Variants in VPS50 observed in about 807,000 individuals in gnomAD.
VPS50 encodes the protein VPS50 subunit of EARP/GARPII complex, also known as syndetin.
Under a neutral mutation model 139.7 loss-of-function variants are expected in VPS50, and 70 were observed. The observed-to-expected ratio is 0.50, with a 90% CI of 0.41 to 0.61. The LOEUF is 0.61. Among genes scored for constraint, VPS50 ranks in the 20% least tolerant of loss-of-function variants. The pLI is 0.00. For synonymous variants in VPS50, 365 were observed against 376.7 expected (o/e 0.97, Z 0.36); for missense variants, 921 against 1,133.7 (o/e 0.81, Z 2.69).
intron 21 of VPS50, among the ~76,000 whole-genome samples, chr7:93,333,219 A>C (rs764534967): frequency 6.6e-6 from 1 of 152,040 alleles, no homozygotes; most frequent in Non-Finnish European, 1.5e-5. Flanking sequence ...GTGTTATGGC[A>C]CAACTATTTT....
intron 2 of VPS50, among the ~76,000 whole-genome samples, chr7:93,245,246 T>C (rs1795114327): frequency 6.6e-6 from 1 of 151,716 alleles, no homozygotes; most frequent in African/African-American, 2.4e-5. Context: ...GGATACTGAT[T>C]AAGAAGAAAA....
intron 20 of VPS50, among the ~76,000 whole-genome samples, chr7:93,319,694 AT>A (rs1562885172): frequency 6.6e-6 from 1 of 152,044 alleles, no homozygotes; most frequent in Non-Finnish European, 1.5e-5. Context: ...GACTCTTTTG[AT>A]CTGAAGGCTC....
At chr7:93,343,270 G>A (rs1224464620) in intron 23 of VPS50, among the ~76,000 whole-genome samples, 1 of 152,028 alleles carries the variant, frequency 6.6e-6, no homozygotes, top group South Asian at 2.1e-4. Context: ...AAGCGAGAAG[G>A]GAAGTTTAGA....
chr7:93,249,838 T>C (rs1410911307), intron 2 of VPS50, among the ~76,000 whole-genome samples: 2 of 152,168 alleles, frequency 1.3e-5, no homozygotes, highest in Non-Finnish European at 2.9e-5. Flanking sequence ...TCATTTCATA[T>C]TTCAATTGGA....
chr7:93,309,470 A>G (rs1350328441), intron 19 of VPS50, among the ~76,000 whole-genome samples: 1 of 151,958 alleles, frequency 6.6e-6, no homozygotes, highest in East Asian at 1.9e-4. Flanking sequence ...TTGCAGAGGA[A>G]AAAGCCTTTA....
chr7:93,262,579 C>T (rs531524306), intron 9 of VPS50, among the ~76,000 whole-genome samples: 61 of 152,310 alleles, frequency 4.0e-4, no homozygotes, highest in African/African-American at 1.4e-3. Context: ...AAAAGTACAT[C>T]ACACATACAT....
chr7:93,335,598 T>C (rs1344424620), intron 22 of VPS50, among the ~76,000 whole-genome samples: 1 of 152,126 alleles, frequency 6.6e-6, no homozygotes, highest in East Asian at 1.9e-4. Context: ...TTCTTTTTTG[T>C]TTTTAGTCTT....
At position 93,271,048 on chromosome 7, in the gene VPS50, CT is replaced by C. The variant is rs1164676986; in HGVS notation, c.660-170del. On this transcript the variant is annotated intron_variant, in intron 9 of 27. Transcript: ENST00000305866. ...TGCTGCTGCTAATGACTCTTATTCCCTTCTAATACTTTTTCTTATTGCATTG... is the reference window on the plus strand; with the variant it reads ...TGCTGCTGCTAATGACTCTTATTCCCTCTAATACTTTTTCTTATTGCATTG... 3 of 1,039,880 alleles carry C rather than the reference CT, an allele frequency of 2.9e-6. No individual in the cohort carries two copies. In the African/African-American group the frequency reaches 5.1e-5, roughly 18 times the overall value. 64.4% of individuals were successfully genotyped at this position (1,039,880 alleles called of 1,614,324 possible). A position where few individuals can be genotyped will look rare whatever the true frequency, so the allele number is the denominator to read the frequency against.
rs1193761202 is a variant in VPS50, at chr7:93,348,790, C to T, written c.2287C>T (p.Gln763Ter). 6.2e-7 allele frequency: 1 copy of T among 1,610,766 alleles called. No individual in the cohort carries two copies. The highest frequency in any genetic ancestry group is 8.5e-7 in the Non-Finnish European group (1 of 1,177,064). Residue 763 changes from glutamine to a stop codon, truncating the protein, a stop_gained, in exon 24 of 28, where the codon CAG (glutamine) becomes TAG (stop). Transcript: ENST00000305866. LOFTEE classifies it high-confidence loss of function. ...GCCTGCAGTCAAAAAGCCCTTTCTT[C>T]AGCAGTTCTATTCTCAGGTCAGACA... The part of the protein sequence containing the change: ...VMPAVKKPFL[Q>*]QFYSQTVSTA...
chr7:93,341,715 C>G (rs1798216334), intron 23 of VPS50, 140 bp downstream of exon 23: 2 of 525,040 alleles, frequency 3.8e-6, no homozygotes, highest in Non-Finnish European at 6.6e-6. Flanking sequence ...GAAGTATATT[C>G]TAACACAGAT....
chr7:93,343,203 C>T (rs1292826227), intron 23 of VPS50, among the ~76,000 whole-genome samples: 9 of 151,908 alleles, frequency 5.9e-5, no homozygotes, highest in Admixed American at 1.3e-4. Context: ...CCTCAGGAGC[C>T]GATGCGATCA....
In VPS50 at chr7:93,335,628, G is replaced by A. The variant is rs369597694; in HGVS notation, c.2058+1431G>A. Among the ~76,000 whole-genome samples, 27 of 151,310 alleles carry A rather than the reference G, an allele frequency of 1.8e-4. No homozygotes were observed. The East Asian group carries it at 4.5e-3, about 25-fold the overall frequency. ...AGTCTTTGTTTTGTAAAATCCATTG[G>A]TCTCAGCCCCACTTGCAGTTTTCTG... On this transcript the variant is annotated intron_variant, in intron 22 of 27. Coordinates refer to ENST00000305866, the MANE Select transcript of VPS50 (RefSeq NM_017667.4).
intron 2 of VPS50, among the ~76,000 whole-genome samples, chr7:93,249,822 T>C (rs1248108640): frequency 6.6e-6 from 1 of 152,122 alleles, no homozygotes; most frequent in Non-Finnish European, 1.5e-5. Flanking sequence ...ATTTCATTTC[T>C]GACTTTCATT....
intron 18 of VPS50, among the ~76,000 whole-genome samples, chr7:93,307,458 G>C (rs1054827719): frequency 2.6e-5 from 4 of 151,924 alleles, no homozygotes; most frequent in Admixed American, 1.3e-4. Context: ...TATAGTATGA[G>C]AGCCTAAGCA....
intron 2 of VPS50, chr7:93,246,273 T>C (rs1245274476): frequency 2.3e-5 from 15 of 646,554 alleles, no homozygotes; most frequent in Non-Finnish European, 3.6e-5. Flanking sequence ...TTCTCCACTT[T>C]CCTTCTCAAC....
At chr7:93,233,826 G>A (rs1208520136) in intron 1 of VPS50, among the ~76,000 whole-genome samples, 2 of 152,176 alleles carry the variant, frequency 1.3e-5, no homozygotes, top group Non-Finnish European at 2.9e-5. Context: ...TAGGAATAAT[G>A]TGTGCCTTAT....
At chr7:93,335,917 T>G (rs1798058208) in intron 22 of VPS50, among the ~76,000 whole-genome samples, 1 of 152,250 alleles carries the variant, frequency 6.6e-6, no homozygotes, top group Admixed American at 6.5e-5. Context: ...TACCACATAG[T>G]GTATAATGAA....
At chr7:93,257,643 C>CT (rs1795527303) in intron 6 of VPS50, 179 bp downstream of exon 6, 2 of 455,534 alleles carry the variant, frequency 4.4e-6, no homozygotes, top group South Asian at 8.8e-5. Flanking sequence ...GGAAATATCT[C>CT]TAAGTGTACT....
At chr7:93,307,930 ATGT>A (rs1797161306) in intron 18 of VPS50, among the ~76,000 whole-genome samples, 1 of 151,874 alleles carries the variant, frequency 6.6e-6, no homozygotes, top group Admixed American at 6.6e-5. Flanking sequence ...AATTCTTTCC[ATGT>A]TGTTATCATA....
Sources: allele counts gnomAD v4.1 joint callset (sites outside exome capture counted in the v4.1 genomes callset), GRCh38; gene constraint gnomAD v4.1.1; transcripts MANE v1.5; gene names NCBI Gene and HGNC (gene_info 2026-07-23, HGNC 2026-07-21).